Variants in MYO3B observed in about 807,000 individuals in gnomAD.
MYO3B encodes myosin IIIB.
MYO3B carries 156 observed loss-of-function variants against 174.6 expected under a neutral mutation model. The observed-to-expected ratio is 0.89, with a 90% CI of 0.78 to 1.02. MYO3B has a LOEUF of 1.02. Among genes scored for constraint, MYO3B ranks in the 50% least tolerant of loss-of-function variants. MYO3B has a pLI of 0.00. For missense variants in MYO3B, 1,632 were observed against 1,639.4 expected (o/e 1.00, Z 0.08); for synonymous variants, 563 against 569.1 (o/e 0.99, Z 0.15).
rs186601922 is a variant in MYO3B at position 170,537,062 on chromosome 2, G to A, written c.3576-5844G>A. Among the ~76,000 whole-genome samples, 1,269 of 152,060 alleles carry A rather than the reference G, an allele frequency of 8.3e-3. 18 individuals are homozygous for A. The highest frequency in any genetic ancestry group is 0.029 in the African/African-American group (1,194 of 41,478). On this transcript the variant is annotated intron_variant, in intron 30 of 34. Coordinates refer to ENST00000408978, the MANE Select transcript of MYO3B (RefSeq NM_138995.5). ...TAAAAATACAAAAAATTAGCCGGGC[G>A]TGGTGGTGGGCGCTTGTAATCCCAG...
intron 3 of MYO3B, among the ~76,000 whole-genome samples, chr2:170,207,945 C>A (rs13417679): frequency 4.3e-4 from 66 of 152,252 alleles, no homozygotes; most frequent in African/African-American, 1.5e-3. Context: ...GGCTTTCACC[C>A]TTGTTAAAAG....
intron 7 of MYO3B, among the ~76,000 whole-genome samples, chr2:170,254,346 A>G (rs2093284551): frequency 6.6e-6 from 1 of 152,144 alleles, no homozygotes; most frequent in Admixed American, 6.5e-5. Flanking sequence ...GCCCACCCGC[A>G]AAGGCTCTCC....
intron 32 of MYO3B, among the ~76,000 whole-genome samples, chr2:170,569,123 T>TTTTG (rs3047146): frequency 0.54 from 82,078 of 151,472 alleles, 22,774 homozygotes; most frequent in East Asian, 0.9. Context: ...AACGTTTTTC[T>TTTTG]TTTATTAACC....
At chr2:170,308,149 G>A (rs2093713263) in intron 7 of MYO3B, among the ~76,000 whole-genome samples, 2 of 152,120 alleles carry the variant, frequency 1.3e-5, no homozygotes, top group African/African-American at 4.8e-5. Context: ...CCAGCCTTTT[G>A]TTTGCCCTAT....
At chr2:170,377,308 G>C (rs2094301210) in intron 9 of MYO3B, among the ~76,000 whole-genome samples, 1 of 152,176 alleles carries the variant, frequency 6.6e-6, no homozygotes, top group South Asian at 2.1e-4. Flanking sequence ...AACCAGTTTG[G>C]TGTCCTCTAA....
At chr2:170,448,133 A>G (rs547699614) in intron 23 of MYO3B, among the ~76,000 whole-genome samples, 1 of 152,284 alleles carries the variant, frequency 6.6e-6, no homozygotes, top group East Asian at 1.9e-4. Flanking sequence ...TAGTCTTGCA[A>G]AGGCAGTCTA....
chr2:170,228,345 G>A (rs2092974911), intron 6 of MYO3B, among the ~76,000 whole-genome samples: 1 of 152,176 alleles, frequency 6.6e-6, no homozygotes, highest in Admixed American at 6.5e-5. Flanking sequence ...AAAGAAGGGG[G>A]TTGAATGAGT....
At chr2:170,352,231 G>T (rs2094078624) in intron 8 of MYO3B, among the ~76,000 whole-genome samples, 1 of 152,210 alleles carries the variant, frequency 6.6e-6, no homozygotes, top group East Asian at 1.9e-4. Flanking sequence ...GAGATTACAG[G>T]TGTGAGCCAC....
intron 4 of MYO3B, 37 bp from the exon 5 acceptor site, chr2:170,214,692 C>G: frequency 6.4e-7 from 1 of 1,573,360 alleles, no homozygotes; most frequent in Non-Finnish European, 8.7e-7. Flanking sequence ...TCCCCTTTCT[C>G]TTTCCTGTTG....
intron 32 of MYO3B, among the ~76,000 whole-genome samples, chr2:170,619,397 C>G (rs1373033153): frequency 6.6e-6 from 1 of 152,316 alleles, no homozygotes; most frequent in African/African-American, 2.4e-5. Flanking sequence ...TTACAATAAT[C>G]AGGAGCATTT....
chr2:170,426,399 G>T (rs995757320), intron 22 of MYO3B, among the ~76,000 whole-genome samples: 1 of 149,776 alleles, frequency 6.7e-6, no homozygotes, highest in Non-Finnish European at 1.5e-5. Flanking sequence ...GCAGTGGCGC[G>T]ATCTCAGCTC....
At chr2:170,202,364 G>A (rs1396116298) in intron 3 of MYO3B, among the ~76,000 whole-genome samples, 1 of 152,198 alleles carries the variant, frequency 6.6e-6, no homozygotes, top group Non-Finnish European at 1.5e-5. Flanking sequence ...TTCTGTCCCA[G>A]GATGGGCAGT....
At chr2:170,538,686 C>T (rs565040764) in intron 30 of MYO3B, among the ~76,000 whole-genome samples, 13 of 152,262 alleles carry the variant, frequency 8.5e-5, no homozygotes, top group South Asian at 4.1e-4. Flanking sequence ...GGGTTCTCAA[C>T]GGTGACTGAG....
rs193040175 is a variant in MYO3B, at chr2:170,241,672, G to A, written c.749+5536G>A. 7.5e-4 allele frequency among the ~76,000 whole-genome samples: 75 copies of A among 99,638 alleles called. 1 individual carries two copies. Among genetic ancestry groups the A allele is most frequent in the African/African-American group, 2.9e-3 (72 of 24,650 alleles). The allele number at this position is 99,638 out of a possible 152,430, so 65.4% of individuals were successfully genotyped here. A position where few individuals can be genotyped will look rare whatever the true frequency, so the allele number is the denominator to read the frequency against. On this transcript the variant is annotated intron_variant, in intron 7 of 34. Coordinates refer to ENST00000408978, the MANE Select transcript of MYO3B (RefSeq NM_138995.5). ...CCCAGGGTCTGGATCCTTGTGGACT[G>A]CCTGGATGCTGTGGGTAGTGGGGCA...
chr2:170,251,522 C>G (rs2093253410), intron 7 of MYO3B, among the ~76,000 whole-genome samples: 1 of 152,120 alleles, frequency 6.6e-6, no homozygotes, highest in African/African-American at 2.4e-5. Context: ...ATGAAGTCAT[C>G]AGGGTGGACC....
At chr2:170,421,041 C>A (rs1306977505) in intron 22 of MYO3B, among the ~76,000 whole-genome samples, 1 of 152,096 alleles carries the variant, frequency 6.6e-6, no homozygotes, top group East Asian at 1.9e-4. Context: ...TTGGTTGGCA[C>A]CTCTTTCCAT....
At chr2:170,439,051 T>G (rs1354877203) in intron 22 of MYO3B, among the ~76,000 whole-genome samples, 1 of 151,428 alleles carries the variant, frequency 6.6e-6, no homozygotes, top group African/African-American at 2.4e-5. Flanking sequence ...TGGCGATATG[T>G]GTAGTCAAGT....
chr2:170,327,860 C>CATAT lies in MYO3B; in HGVS notation c.750-7513_750-7510dup, dbSNP rs201033292. 2.3e-3 allele frequency among the ~76,000 whole-genome samples: 233 copies of CATAT among 102,524 alleles called. 1 individual carries two copies. Among genetic ancestry groups the CATAT allele is most frequent in the African/African-American group, 6.0e-3 (215 of 36,064 alleles). The allele number at this position is 102,524 out of a possible 152,430, so 67.3% of individuals were successfully genotyped here. Reference sequence around the variant, plus strand: ...ATGTTTTCTCTAGTGGAATTATTAGCATATATATATATATACACTATATAT... The same window carrying CATAT: ...ATGTTTTCTCTAGTGGAATTATTAGCATATATATATATATATATACACTATATAT... On this transcript the variant is annotated intron_variant, in intron 7 of 34. Transcript: ENST00000408978.
intron 32 of MYO3B, among the ~76,000 whole-genome samples, chr2:170,566,623 T>C (rs1229996898): frequency 6.6e-6 from 1 of 152,122 alleles, no homozygotes; most frequent in Middle Eastern, 3.2e-3. Context: ...ATTACTGATA[T>C]CCCCACTAAG....
Sources: allele counts gnomAD v4.1 joint callset (sites outside exome capture counted in the v4.1 genomes callset), GRCh38; gene constraint gnomAD v4.1.1; transcripts MANE v1.5; gene names NCBI Gene and HGNC (gene_info 2026-07-23, HGNC 2026-07-21).